CARMIL1: variants seen among roughly 807,000 people sequenced by gnomAD.
CARMIL1 encodes the protein capping protein regulator and myosin 1 linker 1.
Under a neutral mutation model 177.1 loss-of-function variants are expected in CARMIL1, and 90 were observed. The observed-to-expected ratio is 0.51, with a 90% CI of 0.43 to 0.61. CARMIL1 has a LOEUF of 0.61. Among genes scored for constraint, CARMIL1 ranks in the 20% least tolerant of loss-of-function variants. The probability of loss-of-function intolerance (pLI) is 0.00; values close to 1 mark genes in which losing one functional copy is unlikely to be tolerated. For synonymous variants in CARMIL1, 577 were observed against 606.2 expected (o/e 0.95, Z 0.71); for missense variants, 1,380 against 1,667.0 (o/e 0.83, Z 3.00).
intron 29 of CARMIL1, among the ~76,000 whole-genome samples, chr6:25,557,076 A>G (rs1810691009): frequency 6.6e-6 from 1 of 152,128 alleles, no homozygotes; most frequent in Admixed American, 6.5e-5. Context: ...AAAATTCCTA[A>G]TTAGGAGAAA....
chr6:25,289,910 C>G (rs963452805), intron 2 of CARMIL1, among the ~76,000 whole-genome samples: 14 of 152,150 alleles, frequency 9.2e-5, no homozygotes, highest in African/African-American at 3.4e-4. Context: ...TTTGAGTGAA[C>G]ATACTTTTCC....
chr6:25,322,516 A>G (rs1454046647), intron 2 of CARMIL1, among the ~76,000 whole-genome samples: 2 of 152,204 alleles, frequency 1.3e-5, no homozygotes, highest in Non-Finnish European at 2.9e-5. Context: ...ACATACACAC[A>G]CACAAAAATA....
At chr6:25,472,074 A>G (rs1774531351) in intron 10 of CARMIL1, among the ~76,000 whole-genome samples, 1 of 152,114 alleles carries the variant, frequency 6.6e-6, no homozygotes, top group Non-Finnish European at 1.5e-5. Context: ...GAGAAATAAG[A>G]TGTGGTGAAT....
At chr6:25,602,018 C>G (rs1815460279) in intron 33 of CARMIL1, among the ~76,000 whole-genome samples, 1 of 152,216 alleles carries the variant, frequency 6.6e-6, no homozygotes, top group Non-Finnish European at 1.5e-5. Context: ...CCTTGACTTT[C>G]AGAAAGTAAA....
At chr6:25,295,362 T>G (rs575025557) in intron 2 of CARMIL1, among the ~76,000 whole-genome samples, 9 of 152,156 alleles carry the variant, frequency 5.9e-5, no homozygotes, top group Non-Finnish European at 1.2e-4. Context: ...CTGTAGTTTA[T>G]CTAACCATGT....
chr6:25,334,750 G>A (rs1432327459), intron 2 of CARMIL1, among the ~76,000 whole-genome samples: 2 of 152,096 alleles, frequency 1.3e-5, no homozygotes, highest in African/African-American at 4.8e-5. Context: ...CCCTTCTGTG[G>A]CAGTCTACTA....
At chr6:25,288,478 G>GTTTT (rs370669890) in intron 2 of CARMIL1, among the ~76,000 whole-genome samples, 7 of 133,496 alleles carry the variant, frequency 5.2e-5, no homozygotes, top group African/African-American at 1.9e-4. Flanking sequence ...TAAGAATCAG[G>GTTTT]TTTTTTTTTT....
At chr6:25,539,755 G>T (rs1808708678) in intron 25 of CARMIL1, among the ~76,000 whole-genome samples, 192 bp from the exon 26 acceptor site, 1 of 151,890 alleles carries the variant, frequency 6.6e-6, no homozygotes, top group African/African-American at 2.4e-5. Flanking sequence ...GTTTCTTAGG[G>T]TTGCTGTGAC....
chr6:25,422,184 AG>A (rs1440705493), intron 3 of CARMIL1, among the ~76,000 whole-genome samples: 1 of 152,166 alleles, frequency 6.6e-6, no homozygotes, highest in Non-Finnish European at 1.5e-5. Context: ...CTGCATATCC[AG>A]GAAAATGGGT....
intron 29 of CARMIL1, among the ~76,000 whole-genome samples, chr6:25,573,827 A>T (rs994700849): frequency 6.6e-6 from 1 of 152,070 alleles, no homozygotes; most frequent in African/African-American, 2.4e-5. Context: ...TAATTTTTTT[A>T]AAAAATCCCT....
chr6:25,370,507 T>C (rs971180172), intron 2 of CARMIL1, among the ~76,000 whole-genome samples: 2 of 152,202 alleles, frequency 1.3e-5, no homozygotes, highest in African/African-American at 4.8e-5. Flanking sequence ...TGGAAAATAA[T>C]TGTAAACTGT....
chr6:25,584,881 A>G (rs968829641), intron 31 of CARMIL1, among the ~76,000 whole-genome samples: 4 of 152,206 alleles, frequency 2.6e-5, no homozygotes, highest in African/African-American at 9.6e-5. Flanking sequence ...ATTTTGGGGT[A>G]GCATGTCCCA....
chr6:25,543,236 A>T (rs1378861841), intron 26 of CARMIL1, among the ~76,000 whole-genome samples: 2 of 152,190 alleles, frequency 1.3e-5, no homozygotes, highest in Non-Finnish European at 2.9e-5. Flanking sequence ...ATCATACTGT[A>T]CCATGGCCAG....
At chr6:25,517,253 A>G in intron 21 of CARMIL1, 94 bp from the exon 22 acceptor site, 1 of 867,274 alleles carries the variant, frequency 1.2e-6, no homozygotes, top group Non-Finnish European at 1.9e-6. Context: ...GTACTGAAAT[A>G]TCTACACACT....
chr6:25,320,277 G>GC (rs1038050166), intron 2 of CARMIL1, among the ~76,000 whole-genome samples: 3 of 152,130 alleles, frequency 2.0e-5, no homozygotes, highest in African/African-American at 7.2e-5. Context: ...TGGTTCTTTG[G>GC]CCACATCTAC....
At chr6:25,418,146 T>G (rs1795522928) in intron 2 of CARMIL1, among the ~76,000 whole-genome samples, 2 of 152,106 alleles carry the variant, frequency 1.3e-5, no homozygotes, top group Non-Finnish European at 2.9e-5. Flanking sequence ...TCTTTCTGAT[T>G]CCAAAATTCA....
chr6:25,431,588 G>T (rs1796798433), intron 4 of CARMIL1, among the ~76,000 whole-genome samples: 1 of 151,998 alleles, frequency 6.6e-6, no homozygotes, highest in African/African-American at 2.4e-5. Context: ...TTTATGATTT[G>T]AGAGCTGGGA....
At chr6:25,496,930 T>C (rs1803786107) in intron 16 of CARMIL1, among the ~76,000 whole-genome samples, 1 of 152,230 alleles carries the variant, frequency 6.6e-6, no homozygotes, top group Non-Finnish European at 1.5e-5. Context: ...GCAACAAGGC[T>C]GGACTTACTG....
chr6:25,546,063 T>G (rs1405934158), intron 26 of CARMIL1, among the ~76,000 whole-genome samples: 3 of 152,174 alleles, frequency 2.0e-5, no homozygotes, highest in Admixed American at 2.0e-4. Flanking sequence ...TATTGCAAAT[T>G]ATTAGCAACT....
Sources: allele counts gnomAD v4.1 joint callset (sites outside exome capture counted in the v4.1 genomes callset), GRCh38; gene constraint gnomAD v4.1.1; transcripts MANE v1.5; gene names NCBI Gene and HGNC (gene_info 2026-07-23, HGNC 2026-07-21).